The following CCDC38 variants were observed in gnomAD, a reference collection of about 807,000 sequenced individuals.
The protein encoded by CCDC38 is coiled-coil domain containing 38.
Under a neutral mutation model 72.8 loss-of-function variants are expected in CCDC38, and 69 were observed. The observed-to-expected ratio is 0.95, with a 90% confidence interval of 0.78 to 1.16. The LOEUF is 1.16. CCDC38 is among the 50% of genes most tolerant of loss of function. The probability of loss-of-function intolerance (pLI) is 0.00; values close to 1 mark genes in which losing one functional copy is unlikely to be tolerated. For missense variants in CCDC38, 626 were observed against 638.9 expected (o/e 0.98, Z 0.22); for synonymous variants, 201 against 213.2 (o/e 0.94, Z 0.50).
chr12:95,941,791 A>G (rs2080453858), intron 1 of CCDC38, among the ~76,000 whole-genome samples: 2 of 151,922 alleles, frequency 1.3e-5, no homozygotes, highest in Admixed American at 6.6e-5. Flanking sequence ...AAAGCTATGC[A>G]CACACACACA....
Position 95,867,058 on chromosome 12 carries a change from A to T in CCDC38, c.*18T>A, listed in dbSNP as rs377664218. ...ACACCTAAGACATTCTGGTAATAAAATGTCTTACTGCTTTTATTCAAGTAA... is the reference window on the plus strand; with the variant it reads ...ACACCTAAGACATTCTGGTAATAAATTGTCTTACTGCTTTTATTCAAGTAA... On this transcript the variant is annotated 3_prime_UTR_variant, in exon 16 of 16. Transcript: ENST00000344280. 16 of 1,342,268 alleles carry T rather than the reference A, an allele frequency of 1.2e-5. No individual in the cohort carries two copies. The highest frequency in any genetic ancestry group is 1.6e-5 in the Non-Finnish European group (15 of 941,780). 83.1% of individuals were successfully genotyped at this position (1,342,268 alleles called of 1,614,324 possible). A position where few individuals can be genotyped will look rare whatever the true frequency, so the allele number is the denominator to read the frequency against.
chr12:95,897,953 A>G lies in CCDC38; in HGVS notation c.614+432T>C, dbSNP rs1198182975. Among the ~76,000 whole-genome samples, 5 of 152,182 alleles carry G rather than the reference A, an allele frequency of 3.3e-5. No individual in the cohort carries two copies. In the South Asian group the frequency reaches 8.3e-4, roughly 25 times the overall value. Reference sequence around the variant, plus strand: ...AGCGTAAATATAAAAAATACTGCCCATGATGACTGTAAGATGATCGTAGAA... The same window carrying G: ...AGCGTAAATATAAAAAATACTGCCCGTGATGACTGTAAGATGATCGTAGAA... On this transcript the variant is annotated intron_variant, in intron 7 of 15. Transcript: ENST00000344280.
chr12:95,921,128 CAA>C (rs71307534), intron 2 of CCDC38, among the ~76,000 whole-genome samples: 1 of 129,428 alleles, frequency 7.7e-6, no homozygotes. Flanking sequence ...AACTCCATCT[CAA>C]AAAAAAAAAA....
intron 15 of CCDC38, 100 bp from the exon 16 acceptor site, chr12:95,867,289 A>C (rs2079530247): frequency 2.9e-6 from 2 of 691,922 alleles, no homozygotes; most frequent in Admixed American, 2.6e-5. Flanking sequence ...TTTACAAGGA[A>C]TAATATGGTT....
chr12:95,895,184 G>C (rs2079873371), intron 7 of CCDC38, 38 bp from the exon 8 acceptor site: 1 of 1,463,338 alleles, frequency 6.8e-7, no homozygotes, highest in Non-Finnish European at 9.1e-7. Flanking sequence ...AGGTATATCA[G>C]TGTGAAAGCA....
chr12:95,939,103 C>T (rs536987463), intron 1 of CCDC38, among the ~76,000 whole-genome samples: 2 of 152,286 alleles, frequency 1.3e-5, no homozygotes, highest in Admixed American at 1.3e-4. Context: ...ATAGTATCTA[C>T]CTTGTGGGAT....
Position 95,879,535 on chromosome 12 carries a change from G to A in CCDC38, c.1142+109C>T, listed in dbSNP as rs1162313746. ...ACAATGTAAACTATTAAAAACCCCA[G>A]CCTACATTCACAGAGACCACGAGGA... On this transcript the variant is annotated intron_variant, in intron 12 of 15. Coordinates refer to ENST00000344280, the MANE Select transcript of CCDC38 (RefSeq NM_182496.3). This position sits in a 1 kb window ranked among gnomAD's most constrained non-coding sequence, Gnocchi z 5.5. 4 of 688,110 alleles carry A rather than the reference G, an allele frequency of 5.8e-6. No individual in the cohort carries two copies. The African/African-American group carries it at 7.1e-5, about 12-fold the overall frequency. 42.6% of individuals were successfully genotyped at this position (688,110 alleles called of 1,614,324 possible).
chr12:95,873,740 G>C (rs1164541480), intron 13 of CCDC38, among the ~76,000 whole-genome samples: 1 of 152,174 alleles, frequency 6.6e-6, no homozygotes, highest in Non-Finnish European at 1.5e-5. Flanking sequence ...TCAAGAGAGA[G>C]GTGGCTCCTG....
intron 2 of CCDC38, chr12:95,933,079 A>C (rs1483263978): frequency 6.6e-6 from 1 of 152,208 alleles, no homozygotes; most frequent in Non-Finnish European, 1.5e-5. Context: ...ATTGTCCCCC[A>C]AAAACCTTTA....
intron 14 of CCDC38, among the ~76,000 whole-genome samples, chr12:95,870,223 C>G (rs1380063485): frequency 1.3e-5 from 2 of 152,154 alleles, no homozygotes; most frequent in Non-Finnish European, 2.9e-5. Context: ...GCTTAGTGAG[C>G]TGCCACAAAA....
At chr12:95,886,713 C>T (rs1172148702) in intron 10 of CCDC38, among the ~76,000 whole-genome samples, 1 of 152,138 alleles carries the variant, frequency 6.6e-6, no homozygotes, top group Non-Finnish European at 1.5e-5. Context: ...CGACAAGATG[C>T]GCAACATCAT....
intron 1 of CCDC38, among the ~76,000 whole-genome samples, chr12:95,936,736 G>A (rs1565971870): frequency 6.6e-6 from 1 of 152,116 alleles, no homozygotes. Flanking sequence ...AATAATGTTT[G>A]TTCAATGTCA....
Position 95,901,103 on chromosome 12 carries a change from G to T in CCDC38, c.370-2372C>A, listed in dbSNP as rs549670853. On this transcript the variant is annotated intron_variant, in intron 5 of 15. Coordinates refer to ENST00000344280, the MANE Select transcript of CCDC38 (RefSeq NM_182496.3). The stretch of plus-strand genomic sequence containing the variant: ...AGTTATAACCCTAATACATGCTAGA[G>T]ATGTTGGTGGCTTGGACTGCAGTAG... Among the ~76,000 whole-genome samples, 8 of 152,350 alleles carry T rather than the reference G, an allele frequency of 5.3e-5. No homozygotes were observed. In the East Asian group the frequency reaches 9.6e-4, roughly 18 times the overall value.
At chr12:95,872,940 A>G (rs1259193739) in intron 13 of CCDC38, among the ~76,000 whole-genome samples, 4 of 152,244 alleles carry the variant, frequency 2.6e-5, no homozygotes, top group South Asian at 2.1e-4. Flanking sequence ...TATAATTTAT[A>G]GTCAGAGCAT....
chr12:95,913,537 A>G (rs1265405982), intron 4 of CCDC38, among the ~76,000 whole-genome samples: 1 of 152,192 alleles, frequency 6.6e-6, no homozygotes, highest in Non-Finnish European at 1.5e-5. Context: ...AAGCACCCAC[A>G]TTGGAAAGTG....
Position 95,879,846 on chromosome 12 carries a change from T to G in CCDC38, c.991-51A>C. ...AATTTACTTAAAAATATGCTACCTA[T>G]GCACATGTGACTTATCTAGAAAATA... On this transcript the variant is annotated intron_variant, in intron 11 of 15. Transcript: ENST00000344280. This position sits in a 1 kb window ranked among gnomAD's most constrained non-coding sequence, Gnocchi z 5.5. 2.1e-6 allele frequency: 3 copies of G among 1,397,004 alleles called. No homozygotes were observed. Among genetic ancestry groups the G allele is most frequent in the Non-Finnish European group, 2.0e-6 (2 of 1,015,118 alleles). The allele number at this position is 1,397,004 out of a possible 1,614,324, so 86.5% of individuals were successfully genotyped here. A position where few individuals can be genotyped will look rare whatever the true frequency, so the allele number is the denominator to read the frequency against.
intron 2 of CCDC38, chr12:95,919,298 C>CA: frequency 2.7e-6 from 1 of 367,194 alleles, no homozygotes; most frequent in South Asian, 2.2e-5. Flanking sequence ...GGATTGGTTA[C>CA]AGCTCGGCAT....
At chr12:95,929,128 C>A (rs959604392) in intron 2 of CCDC38, among the ~76,000 whole-genome samples, 3 of 152,232 alleles carry the variant, frequency 2.0e-5, no homozygotes, top group Non-Finnish European at 4.4e-5. Flanking sequence ...GCGGGCACCC[C>A]TACCCCAGCC....
intron 2 of CCDC38, among the ~76,000 whole-genome samples, chr12:95,923,316 G>A (rs76685655): frequency 0.011 from 1,675 of 152,166 alleles, 28 homozygotes; most frequent in African/African-American, 0.039. Flanking sequence ...TTTCTGGAGA[G>A]TTCTGCCTAA....
Sources: gnomAD v4.1 joint callset for allele counts (sites outside exome capture counted in the v4.1 genomes callset) on GRCh38, gnomAD v4.1.1 for gene constraint, Gnocchi (gnomAD v3.1) non-coding constraint, MANE v1.5 for transcripts, NCBI Gene and HGNC (gene_info 2026-07-23, HGNC 2026-07-21) for gene names.